The following COLQ variants were observed in gnomAD, a reference collection of about 807,000 sequenced individuals.
COLQ encodes the protein collagen like tail subunit of asymmetric acetylcholinesterase, also known as acetylcholinesterase collagenic tail peptide.
In COLQ, 48 loss-of-function variants were observed where a neutral mutation model predicts 69.0. That is an observed-to-expected ratio of 0.70 (90% confidence interval 0.55 to 0.88). The LOEUF (loss-of-function observed/expected upper bound fraction) is 0.88. Ranked by LOEUF, COLQ falls within the 40% of genes least tolerant of loss-of-function variation. COLQ has a pLI of 0.00. For synonymous variants in COLQ, 217 were observed against 211.2 expected, an observed-to-expected ratio of 1.03 and a Z score of -0.24; for missense variants, 618 against 594.6, an observed-to-expected ratio of 1.04 and a Z score of -0.41.
intron 3 of COLQ, among the ~76,000 whole-genome samples, chr3:15,480,024 T>A (rs1182979436): frequency 6.6e-6 from 1 of 152,180 alleles, no homozygotes; most frequent in Non-Finnish European, 1.5e-5. Flanking sequence ...AAGCTTTGCA[T>A]ATCCACAGCC....
At chr3:15,479,681 G>A (rs1440630348) in intron 3 of COLQ, among the ~76,000 whole-genome samples, 2 of 152,174 alleles carry the variant, frequency 1.3e-5, no homozygotes, top group African/African-American at 2.4e-5. Flanking sequence ...CATCCCAAGT[G>A]CTTGTTGAGA....
At chr3:15,498,470 C>T (rs1331936511) in intron 1 of COLQ, 2 of 940,104 alleles carry the variant, frequency 2.1e-6, no homozygotes, top group African/African-American at 6.5e-5. Flanking sequence ...CATGTGCATC[C>T]ACACACACAC....
intron 10 of COLQ, among the ~76,000 whole-genome samples, chr3:15,471,981 T>C (rs549157652): frequency 6.6e-6 from 1 of 152,132 alleles, no homozygotes; most frequent in Non-Finnish European, 1.5e-5. Context: ...TTTTTTTTTT[T>C]TTTCAGGGAT....
At position 15,474,141 on chromosome 3, in the gene COLQ, T is replaced by G. The variant is rs1035475921; in HGVS notation, c.600+87A>C. On this transcript the variant is annotated intron_variant, in intron 9 of 16. Transcript: ENST00000383788. ...TTCAAGATGGAGGCCTGTCCATCAG[T>G]CCATCATCAGTCCACGGATGGGGGT... 5.0e-6 allele frequency: 8 copies of G among 1,590,266 alleles called. No individual in the cohort carries two copies. In the African/African-American group the frequency reaches 8.1e-5, roughly 16 times the overall value.
At chr3:15,455,528 C>A (rs1559511568) in intron 15 of COLQ, among the ~76,000 whole-genome samples, 1 of 152,194 alleles carries the variant, frequency 6.6e-6, no homozygotes, top group Admixed American at 6.5e-5. Context: ...CTTGGCCTCT[C>A]CCTTTTGCCT....
In COLQ at chr3:15,453,232, A is replaced by G. The variant is rs566935827; in HGVS notation, c.1298+597T>C. 1.9e-4 allele frequency among the ~76,000 whole-genome samples: 29 copies of G among 152,318 alleles called. No homozygotes were observed. In the South Asian group the frequency reaches 5.8e-3, roughly 31 times the overall value. On this transcript the variant is annotated intron_variant, in intron 16 of 16. Transcript: ENST00000383788. ...GGCGCCAGTGTGGAGCCAGGACACT[A>G]GAATACTTGTCCTGAACAACATAAA...
At chr3:15,461,756 C>T (rs1404799364) in intron 12 of COLQ, among the ~76,000 whole-genome samples, 2 of 151,988 alleles carry the variant, frequency 1.3e-5, no homozygotes, top group Non-Finnish European at 2.9e-5. Context: ...AGGACTAGAC[C>T]AGGGGAGTTT....
intron 1 of COLQ, chr3:15,506,994 T>C (rs893825769): frequency 6.6e-6 from 1 of 152,280 alleles, no homozygotes; most frequent in East Asian, 1.9e-4. Flanking sequence ...AGAGATGAGG[T>C]CTTGCTACGT....
intron 12 of COLQ, among the ~76,000 whole-genome samples, chr3:15,461,996 A>AACTT (rs1260419945): frequency 2.3e-5 from 3 of 132,916 alleles, no homozygotes; most frequent in South Asian, 2.7e-4. Flanking sequence ...GCACAGGGAT[A>AACTT]ACTTATTTAT....
At chr3:15,461,189 T>TCC in intron 12 of COLQ, among the ~76,000 whole-genome samples, 1 of 144,174 alleles carries the variant, frequency 6.9e-6, no homozygotes, top group South Asian at 2.2e-4. Flanking sequence ...TTGCCTTTAT[T>TCC]CCCCCCCCGA....
intron 1 of COLQ, among the ~76,000 whole-genome samples, chr3:15,498,321 C>A (rs766444894): frequency 1.3e-5 from 2 of 152,156 alleles, no homozygotes; most frequent in South Asian, 2.1e-4. Flanking sequence ...TCAACACTGG[C>A]TGAGCAGTTT....
intron 12 of COLQ, among the ~76,000 whole-genome samples, chr3:15,461,339 C>T (rs978320424): frequency 2.6e-5 from 4 of 152,116 alleles, no homozygotes; most frequent in Non-Finnish European, 5.9e-5. Context: ...AGGGAGCCTG[C>T]TGCCACCACT....
intron 15 of COLQ, among the ~76,000 whole-genome samples, chr3:15,454,437 C>T (rs1177723095): frequency 1.3e-5 from 2 of 152,128 alleles, no homozygotes; most frequent in African/African-American, 4.8e-5. Flanking sequence ...TGGATCCCAG[C>T]GTTGTTTTCA....
At chr3:15,465,097 C>G (rs1450985956) in intron 12 of COLQ, among the ~76,000 whole-genome samples, 1 of 151,886 alleles carries the variant, frequency 6.6e-6, no homozygotes, top group Non-Finnish European at 1.5e-5. Flanking sequence ...TCACTTGAAC[C>G]CGGGAGGTGG....
At chr3:15,506,303 T>G (rs2062910149) in intron 1 of COLQ, among the ~76,000 whole-genome samples, 1 of 152,228 alleles carries the variant, frequency 6.6e-6, no homozygotes, top group African/African-American at 2.4e-5. Context: ...GTGCTCCAGA[T>G]GAAAGGTAGT....
intron 1 of COLQ, chr3:15,498,672 T>C (rs922084882): frequency 1.3e-6 from 2 of 1,550,074 alleles, no homozygotes; most frequent in Non-Finnish European, 1.7e-6. Context: ...GTGCTCCCAG[T>C]GCCTGGCCTG....
intron 12 of COLQ, among the ~76,000 whole-genome samples, chr3:15,461,244 C>T (rs2062108353): frequency 6.6e-6 from 1 of 150,384 alleles, no homozygotes; most frequent in South Asian, 2.1e-4. Context: ...GTACAAAGCT[C>T]TCACCCTTTC....
At chr3:15,487,902 TTGTAAC>T (rs1183782525) in intron 3 of COLQ, among the ~76,000 whole-genome samples, 2 of 152,140 alleles carry the variant, frequency 1.3e-5, no homozygotes, top group Non-Finnish European at 1.5e-5. Context: ...GTTTGTCTGA[TTGTAAC>T]TGTAATAAAA....
chr3:15,516,555 G>C (rs2063066082), intron 1 of COLQ, among the ~76,000 whole-genome samples: 1 of 152,156 alleles, frequency 6.6e-6, no homozygotes, highest in Non-Finnish European at 1.5e-5. Context: ...TATTCAATGA[G>C]GGAAACCACA....
Sources: gnomAD v4.1 joint callset for allele counts (sites outside exome capture counted in the v4.1 genomes callset) on GRCh38, gnomAD v4.1.1 for gene constraint, MANE v1.5 for transcripts, NCBI Gene and HGNC (gene_info 2026-07-23, HGNC 2026-07-21) for gene names.